FOXN3: variants seen among roughly 807,000 people sequenced by gnomAD.
The protein encoded by FOXN3 is forkhead box protein N3.
In FOXN3, 7 loss-of-function variants were observed where a neutral mutation model predicts 38.4. That is an observed-to-expected ratio of 0.18 (90% CI 0.10 to 0.34). The LOEUF is 0.34. Among genes scored for constraint, FOXN3 ranks in the 10% least tolerant of loss-of-function variants. The pLI, the probability that FOXN3 is intolerant of heterozygous loss-of-function variation, is 1.00. For missense variants in FOXN3, 456 were observed against 613.4 expected (o/e 0.74, Z 2.71); for synonymous variants, 230 against 242.2 (o/e 0.95, Z 0.47).
intron 1 of FOXN3, among the ~76,000 whole-genome samples, chr14:89,455,203 C>A (rs756141546): frequency 2.0e-5 from 3 of 152,108 alleles, no homozygotes; most frequent in African/African-American, 4.8e-5. Context: ...TCTCCCTGCC[C>A]GGCCGATATG....
chr14:89,292,541 A>G (rs1016317878), intron 3 of FOXN3, among the ~76,000 whole-genome samples: 2 of 152,234 alleles, frequency 1.3e-5, no homozygotes, highest in African/African-American at 4.8e-5. Flanking sequence ...CTCCTTCCTC[A>G]TGAACGGGAT....
At chr14:89,188,005 C>T (rs1023997842) in intron 4 of FOXN3, among the ~76,000 whole-genome samples, 2 of 152,180 alleles carry the variant, frequency 1.3e-5, no homozygotes, top group Admixed American at 6.5e-5. Context: ...TGTCCATGAG[C>T]GTCTCCTTCT....
intron 3 of FOXN3, among the ~76,000 whole-genome samples, chr14:89,332,854 GCAAAA>G (rs1181094285): frequency 6.6e-6 from 1 of 152,004 alleles, no homozygotes; most frequent in Non-Finnish European, 1.5e-5. Flanking sequence ...CAACTCAACA[GCAAAA>G]CAAAACAAAA....
intron 1 of FOXN3, among the ~76,000 whole-genome samples, chr14:89,462,014 T>G (rs1421986469): frequency 2.0e-5 from 3 of 152,206 alleles, no homozygotes; most frequent in Non-Finnish European, 4.4e-5. Flanking sequence ...ATATCGACTT[T>G]TGCATTAATA....
intron 4 of FOXN3, among the ~76,000 whole-genome samples, chr14:89,187,661 A>G (rs1024391885): frequency 6.6e-6 from 1 of 152,252 alleles, no homozygotes; most frequent in African/African-American, 2.4e-5. Context: ...ATGCAATATA[A>G]AATGAAAAGA....
chr14:89,570,061 C>A (rs1030996643), intron 1 of FOXN3, among the ~76,000 whole-genome samples: 1 of 150,270 alleles, frequency 6.7e-6, no homozygotes, highest in Non-Finnish European at 1.5e-5. Flanking sequence ...AGTGCAGTGG[C>A]GCAATCTCGG....
Position 89,412,665 on chromosome 14 carries a change from A to G in FOXN3, c.-14-175T>C, listed in dbSNP as rs1460428837. The stretch of plus-strand genomic sequence containing the variant: ...ACACAATCCCACAATTCCACCACAG[A>G]GAGATAGGCTGATGAGAAAAATCAG... On this transcript the variant is annotated intron_variant, in intron 1 of 5. Transcript: ENST00000557258. This position sits in a 1 kb window ranked among gnomAD's most constrained non-coding sequence, Gnocchi z 4.7. Among the ~76,000 whole-genome samples, 1 of 152,130 alleles carries G rather than the reference A, an allele frequency of 6.6e-6. No individual in the cohort carries two copies. The highest frequency in any genetic ancestry group is 2.4e-5 in the African/African-American group (1 of 41,414).
intron 1 of FOXN3, among the ~76,000 whole-genome samples, chr14:89,531,388 T>C (rs1390744007): frequency 6.6e-6 from 1 of 152,184 alleles, no homozygotes; most frequent in Non-Finnish European, 1.5e-5. Flanking sequence ...ATTCAGAAAC[T>C]AATTAAAAAT....
chr14:89,347,816 G>A (rs1370382327), intron 3 of FOXN3, among the ~76,000 whole-genome samples: 1 of 152,128 alleles, frequency 6.6e-6, no homozygotes, highest in African/African-American at 2.4e-5. Context: ...GCTGGGTGTG[G>A]TGGCGCCTGC....
At chr14:89,368,313 A>T (rs1213521323) in intron 2 of FOXN3, among the ~76,000 whole-genome samples, 1 of 144,024 alleles carries the variant, frequency 6.9e-6, no homozygotes, top group East Asian at 2.1e-4. Context: ...CTGGATAAAA[A>T]GAGTGAAACT....
chr14:89,218,604 C>T (rs1884359605), intron 4 of FOXN3, among the ~76,000 whole-genome samples: 1 of 152,254 alleles, frequency 6.6e-6, no homozygotes, highest in African/African-American at 2.4e-5. Context: ...AGGGATATGG[C>T]TCATGCCTTT....
intron 1 of FOXN3, among the ~76,000 whole-genome samples, chr14:89,525,392 A>G (rs433154): frequency 0.39 from 59,124 of 152,036 alleles, 11,950 homozygotes; most frequent in East Asian, 0.6. Context: ...CACTATGACT[A>G]TTTACAAATG....
intron 5 of FOXN3, among the ~76,000 whole-genome samples, chr14:89,168,161 C>G (rs1395937461): frequency 6.6e-6 from 1 of 152,008 alleles, no homozygotes; most frequent in African/African-American, 2.4e-5. Flanking sequence ...GACAAGAGAA[C>G]AGAGAAATGA....
At chr14:89,577,130 G>C (rs1235348342) in intron 1 of FOXN3, 1 of 152,252 alleles carries the variant, frequency 6.6e-6, no homozygotes. Flanking sequence ...CCCACGTGTA[G>C]CCACAGCAGA....
intron 1 of FOXN3, among the ~76,000 whole-genome samples, chr14:89,488,800 G>A (rs750047039): frequency 2.5e-4 from 38 of 152,056 alleles, no homozygotes; most frequent in South Asian, 6.2e-4. Context: ...CAGTCACCTC[G>A]GGCCATTCTG....
intron 3 of FOXN3, among the ~76,000 whole-genome samples, chr14:89,348,706 A>G (rs1888851270): frequency 6.6e-6 from 1 of 151,952 alleles, no homozygotes; most frequent in Admixed American, 6.6e-5. Context: ...GAGGTGACGG[A>G]GTGGGGTCTG....
intron 1 of FOXN3, among the ~76,000 whole-genome samples, chr14:89,615,114 C>T (rs1896467677): frequency 7.3e-5 from 4 of 54,540 alleles, no homozygotes; most frequent in Non-Finnish European, 1.1e-4. Flanking sequence ...TCCCCAATTT[C>T]GATTTTTTTT....
At chr14:89,335,077 T>TCACACACACACACA (rs72014136) in intron 3 of FOXN3, among the ~76,000 whole-genome samples, 4 of 139,344 alleles carry the variant, frequency 2.9e-5, no homozygotes, top group African/African-American at 5.2e-5. Flanking sequence ...TATTTTCATA[T>TCACACACACACACA]CACACACACA....
intron 4 of FOXN3, among the ~76,000 whole-genome samples, chr14:89,251,336 T>C (rs1885449009): frequency 6.6e-6 from 1 of 152,230 alleles, no homozygotes; most frequent in Non-Finnish European, 1.5e-5. Context: ...CTAGAATCCT[T>C]TACCAGTTGT....
Sources: allele counts gnomAD v4.1 joint callset (sites outside exome capture counted in the v4.1 genomes callset), GRCh38; gene constraint gnomAD v4.1.1; non-coding constraint Gnocchi (gnomAD v3.1); transcripts MANE v1.5; gene names NCBI Gene and HGNC (gene_info 2026-07-23, HGNC 2026-07-21).